Variants in SIK3 observed in about 807,000 individuals in gnomAD.
The protein encoded by SIK3 is serine/threonine-protein kinase SIK3.
In SIK3, 28 loss-of-function variants were observed where a neutral mutation model predicts 144.2. That is an observed-to-expected ratio of 0.19 (90% CI 0.14 to 0.27). The LOEUF is 0.27. SIK3 is among the 10% of genes least tolerant of loss of function. The probability of loss-of-function intolerance (pLI) is 1.00; values close to 1 mark genes in which losing one functional copy is unlikely to be tolerated. For missense variants in SIK3, 1,319 were observed against 1,776.0 expected (o/e 0.74, Z 4.62); for synonymous variants, 686 against 676.3 (o/e 1.01, Z -0.22).
At chr11:116,893,318 A>T (rs1294766577) in intron 6 of SIK3, among the ~76,000 whole-genome samples, 1 of 152,086 alleles carries the variant, frequency 6.6e-6, no homozygotes, top group East Asian at 1.9e-4. Flanking sequence ...GACAGCACAG[A>T]GGGTACATGC....
intron 3 of SIK3, among the ~76,000 whole-genome samples, chr11:116,948,075 C>A (rs1410127797): frequency 1.3e-5 from 2 of 151,766 alleles, no homozygotes; most frequent in African/African-American, 4.8e-5. Context: ...GCTGGGACTA[C>A]AGGTGTGCAC....
chr11:116,929,972 T>G (rs1035528907), intron 3 of SIK3, among the ~76,000 whole-genome samples: 2 of 152,172 alleles, frequency 1.3e-5, no homozygotes, highest in African/African-American at 4.8e-5. Context: ...GCTTAAACTA[T>G]AATACTTTCC....
At chr11:117,041,778 G>A (rs77960525) in intron 1 of SIK3, among the ~76,000 whole-genome samples, 10,645 of 152,184 alleles carry the variant, frequency 0.07, 653 homozygotes, top group African/African-American at 0.16. Flanking sequence ...CAACTTTTAA[G>A]ACTAAACTCT....
At chr11:116,934,048 T>C (rs989018073) in intron 3 of SIK3, among the ~76,000 whole-genome samples, 1 of 152,220 alleles carries the variant, frequency 6.6e-6, no homozygotes, top group Admixed American at 6.5e-5. Flanking sequence ...CTTTCCTATC[T>C]CTATTGTCAG....
rs1467152573 is a variant in SIK3 at position 116,904,607 on chromosome 11, GT to G, written c.617-7291del. 7.9e-5 allele frequency: 12 copies of G among 151,882 alleles called. No homozygotes were observed. The East Asian group carries it at 1.9e-3, about 24-fold the overall frequency. 9.4% of individuals were successfully genotyped at this position (151,882 alleles called of 1,614,324 possible). A position where few individuals can be genotyped will look rare whatever the true frequency, so the allele number is the denominator to read the frequency against. ...CTCATTTACTGCTTTTATTTCAATTGTTTTTTCCCTACAGCATTATTGAGAT... is the reference window on the plus strand; with the variant it reads ...CTCATTTACTGCTTTTATTTCAATTGTTTTTCCCTACAGCATTATTGAGAT... On this transcript the variant is annotated intron_variant, in intron 4 of 24. Transcript: ENST00000445177.
Position 116,847,576 on chromosome 11 carries a change from G to T in SIK3, c.3852C>A (p.Leu1284=), listed in dbSNP as rs1016240093. Residue 1284 remains leucine (L), a synonymous_variant, in exon 23 of 25, where the codon CTC becomes CTA. Transcript: ENST00000445177. ...VQLDNLPGMS[L]VAGKALSSAR... is the part of the protein sequence containing the mutation. ...CAGAGCTAAGTGCTTTCCCAGCCACGAGACTCATTCCTGGCAAGTTATCCA... is the reference window on the plus strand; with the variant it reads ...CAGAGCTAAGTGCTTTCCCAGCCACTAGACTCATTCCTGGCAAGTTATCCA... The T allele has an allele frequency of 9.9e-6, 16 of 1,614,042 alleles. No individual in the cohort carries two copies. The highest frequency in any genetic ancestry group is 5.5e-5 in the South Asian group (5 of 91,080).
At chr11:116,984,401 T>C (rs1410167705) in intron 1 of SIK3, among the ~76,000 whole-genome samples, 1 of 152,192 alleles carries the variant, frequency 6.6e-6, no homozygotes, top group African/African-American at 2.4e-5. Context: ...AAAGGCTACA[T>C]GGATGCAAAT....
chr11:117,087,112 C>T (rs960605261), intron 1 of SIK3, among the ~76,000 whole-genome samples: 1 of 151,580 alleles, frequency 6.6e-6, no homozygotes, highest in African/African-American at 2.4e-5. Context: ...TATCAAAGAT[C>T]AGGAGAGAAT....
At chr11:117,094,049 T>C (rs1269349359) in intron 1 of SIK3, among the ~76,000 whole-genome samples, 1 of 152,182 alleles carries the variant, frequency 6.6e-6, no homozygotes, top group Non-Finnish European at 1.5e-5. Flanking sequence ...TTAATCTTCA[T>C]AACACCTAAA....
At chr11:116,859,735 G>A (rs761668084) in intron 19 of SIK3, 131 bp from the exon 20 acceptor site, 5 of 731,358 alleles carry the variant, frequency 6.8e-6, no homozygotes, top group Non-Finnish European at 1.1e-5. Context: ...CTGAGCATAG[G>A]ACAAGTCTGG....
intron 1 of SIK3, among the ~76,000 whole-genome samples, chr11:117,060,236 G>C (rs1447828227): frequency 1.3e-5 from 2 of 152,204 alleles, no homozygotes; most frequent in Non-Finnish European, 2.9e-5. Context: ...GTGAAAAAAA[G>C]TCAATCTGAA....
chr11:117,041,186 C>T (rs902026324), intron 1 of SIK3, among the ~76,000 whole-genome samples: 6 of 151,902 alleles, frequency 3.9e-5, no homozygotes, highest in Admixed American at 6.6e-5. Context: ...AGAAAGAATT[C>T]CCCCAATTTG....
chr11:117,048,376 G>A (rs997884977), intron 1 of SIK3, among the ~76,000 whole-genome samples: 1 of 152,164 alleles, frequency 6.6e-6, no homozygotes, highest in Admixed American at 6.5e-5. Context: ...AACTTTCCAG[G>A]CTGGACGCGG....
At chr11:116,870,848 G>C (rs953425852) in intron 13 of SIK3, among the ~76,000 whole-genome samples, 3 of 152,232 alleles carry the variant, frequency 2.0e-5, no homozygotes, top group Non-Finnish European at 2.9e-5. Context: ...CACAGGAGCT[G>C]GTCAGGCAAA....
intron 16 of SIK3, 137 bp downstream of exon 16, chr11:116,863,531 G>A (rs1943464586): frequency 3.0e-6 from 4 of 1,325,954 alleles, no homozygotes; most frequent in South Asian, 1.3e-5. Flanking sequence ...GCCCGGCCCA[G>A]AAAGCTATAC....
At chr11:117,043,857 ACCT>A (rs1325913416) in intron 1 of SIK3, among the ~76,000 whole-genome samples, 1 of 152,182 alleles carries the variant, frequency 6.6e-6, no homozygotes, top group Non-Finnish European at 1.5e-5. Context: ...TGTTTTATTC[ACCT>A]TTATGCCATT....
intron 6 of SIK3, among the ~76,000 whole-genome samples, chr11:116,879,652 C>T (rs1022213336): frequency 6.6e-6 from 1 of 152,192 alleles, no homozygotes; most frequent in African/African-American, 2.4e-5. Flanking sequence ...TTTACTCTAA[C>T]TTCAAAAGAT....
Position 116,846,597 on chromosome 11 carries a change from G to A in SIK3, c.3953-44C>T, listed in dbSNP as rs1172172411. The A allele has an allele frequency of 5.0e-6, 8 of 1,611,008 alleles. No individual in the cohort carries two copies. In the Admixed American group the frequency reaches 1.0e-4, roughly 20 times the overall value. On this transcript the variant is annotated intron_variant, in intron 23 of 24. Coordinates refer to ENST00000445177, the MANE Select transcript of SIK3 (RefSeq NM_001366686.3). This position sits in a 1 kb window ranked among gnomAD's most constrained non-coding sequence, Gnocchi z 4.1. ...CGTATGAGGTTGGCAGGGAACTGGG[G>A]GACTAGGAGAGCAAGGGGGAGAGAG...
intron 4 of SIK3, among the ~76,000 whole-genome samples, chr11:116,912,260 G>A (rs765481788): frequency 5.9e-5 from 9 of 152,188 alleles, no homozygotes; most frequent in Non-Finnish European, 1.3e-4. Context: ...TTCTTTGTTG[G>A]AGGTGAGATC....
Sources: gnomAD v4.1 joint callset for allele counts (sites outside exome capture counted in the v4.1 genomes callset) on GRCh38, gnomAD v4.1.1 for gene constraint, Gnocchi (gnomAD v3.1) non-coding constraint, MANE v1.5 for transcripts, NCBI Gene and HGNC (gene_info 2026-07-23, HGNC 2026-07-21) for gene names.